The following AKAP13 variants were observed in gnomAD, a reference collection of about 807,000 sequenced individuals.
AKAP13 encodes the protein A-kinase anchor protein 13.
Under a neutral mutation model 264.5 loss-of-function variants are expected in AKAP13, and 80 were observed. The observed-to-expected ratio is 0.30, with a 90% CI of 0.25 to 0.36. The LOEUF (loss-of-function observed/expected upper bound fraction) is 0.36. AKAP13 is among the 10% of genes least tolerant of loss of function. The probability of loss-of-function intolerance (pLI) is 1.00; values close to 1 mark genes in which losing one functional copy is unlikely to be tolerated. For missense variants in AKAP13, 3,712 were observed against 3,435.2 expected (o/e 1.08, Z -2.01); for synonymous variants, 1,380 against 1,250.2 (o/e 1.10, Z -2.19).
intron 1 of AKAP13, among the ~76,000 whole-genome samples, chr15:85,382,348 A>G (rs2070326110): frequency 6.6e-6 from 1 of 152,214 alleles, no homozygotes; most frequent in Non-Finnish European, 1.5e-5. Flanking sequence ...CTTGTGTTAT[A>G]AAACCAATTT....
chr15:85,561,620 C>T lies in AKAP13; in HGVS notation c.663-13511C>T, dbSNP rs376844657. The stretch of plus-strand genomic sequence containing the variant: ...TTGTGAATGTTGGTATATTAGATAT[C>T]GATGCATCTATAACTAATACAGTGG... On this transcript the variant is annotated intron_variant, in intron 5 of 36. Transcript: ENST00000394518. Among the ~76,000 whole-genome samples, 15 of 152,200 alleles carry T rather than the reference C, an allele frequency of 9.9e-5. No homozygotes were observed. The South Asian group carries it at 1.7e-3, about 17-fold the overall frequency.
At chr15:85,628,596 C>G (rs16942440) in intron 8 of AKAP13, among the ~76,000 whole-genome samples, 2,127 of 152,210 alleles carry the variant, frequency 0.014, 110 homozygotes, top group Admixed American at 0.093. Context: ...CTCAGGACAT[C>G]ATTGTTAATT....
chr15:85,656,520 C>A (rs1043052109), intron 11 of AKAP13, among the ~76,000 whole-genome samples: 1 of 152,126 alleles, frequency 6.6e-6, no homozygotes. Flanking sequence ...AATCTCGGCT[C>A]CCTGCAAGCT....
chr15:85,677,209 T>A (rs2084273248), intron 14 of AKAP13: 2 of 851,092 alleles, frequency 2.3e-6, no homozygotes, highest in Non-Finnish European at 2.8e-6. Context: ...GCCTCTTGCA[T>A]GCCATCCTTT....
At chr15:85,383,704 G>GGCTT (rs1005654785) in intron 1 of AKAP13, among the ~76,000 whole-genome samples, 3 of 152,302 alleles carry the variant, frequency 2.0e-5, no homozygotes, top group Admixed American at 6.5e-5. Context: ...CTTGCAGAGT[G>GGCTT]GCTTGGTAGG....
At chr15:85,715,741 G>C in intron 19 of AKAP13, 47 bp from the exon 20 acceptor site, 1 of 1,568,654 alleles carries the variant, frequency 6.4e-7, no homozygotes, top group East Asian at 2.3e-5. Context: ...GTCAGTACCA[G>C]GTGGAGCTGG....
intron 1 of AKAP13, among the ~76,000 whole-genome samples, chr15:85,385,977 C>T (rs2070537844): frequency 1.3e-5 from 2 of 152,096 alleles, no homozygotes; most frequent in Non-Finnish European, 2.9e-5. Flanking sequence ...AGGCACACAC[C>T]ACCACACCCA....
chr15:85,733,628 G>A (rs1403965027), intron 30 of AKAP13, among the ~76,000 whole-genome samples: 1 of 151,776 alleles, frequency 6.6e-6, no homozygotes, highest in Non-Finnish European at 1.5e-5. Flanking sequence ...CTTCAGTGTT[G>A]GTCACTTTCT....
chr15:85,560,265 G>A lies in AKAP13; in HGVS notation c.663-14866G>A, dbSNP rs74712788. Among the ~76,000 whole-genome samples, 11 of 151,546 alleles carry A rather than the reference G, an allele frequency of 7.3e-5. No individual in the cohort carries two copies. In the East Asian group the frequency reaches 2.1e-3, roughly 29 times the overall value. Reference sequence around the variant, plus strand: ...ACTGCAGCCTTGACCACTCGCCTCAGCCTCCCATGTAGCTAGGACTACAGG... The same window carrying A: ...ACTGCAGCCTTGACCACTCGCCTCAACCTCCCATGTAGCTAGGACTACAGG... On this transcript the variant is annotated intron_variant, in intron 5 of 36. Transcript: ENST00000394518.
chr15:85,601,650 T>TGTGTGTGTGTGTGTG (rs1567149369), intron 8 of AKAP13, among the ~76,000 whole-genome samples: 14 of 35,610 alleles, frequency 3.9e-4, no homozygotes, highest in Non-Finnish European at 7.8e-4. Context: ...GTGTGTGTGT[T>TGTGTGTGTGTGTGTG]TTTCTTCCAG....
chr15:85,610,177 A>C (rs2080540407), intron 8 of AKAP13, among the ~76,000 whole-genome samples: 1 of 152,240 alleles, frequency 6.6e-6, no homozygotes, highest in Non-Finnish European at 1.5e-5. Flanking sequence ...CCATTACAGA[A>C]TTATGGTCAG....
At chr15:85,672,529 A>G (rs919024932) in intron 14 of AKAP13, among the ~76,000 whole-genome samples, 1 of 152,222 alleles carries the variant, frequency 6.6e-6, no homozygotes, top group Non-Finnish European at 1.5e-5. Context: ...AGTCACTTAA[A>G]TACTCAGCAT....
intron 15 of AKAP13, 168 bp from the exon 16 acceptor site, chr15:85,684,573 A>T: frequency 1.6e-6 from 1 of 630,162 alleles, no homozygotes; most frequent in Non-Finnish European, 2.7e-6. Flanking sequence ...AGAAAACATT[A>T]GTGACGGATC....
intron 5 of AKAP13, among the ~76,000 whole-genome samples, chr15:85,573,954 T>G (rs2078917042): frequency 6.6e-6 from 1 of 152,194 alleles, no homozygotes; most frequent in African/African-American, 2.4e-5. Context: ...TTTCTCTAAT[T>G]CTCAAAACAG....
In AKAP13 at chr15:85,543,763, C is replaced by T. The variant is rs1304351799; in HGVS notation, c.479-9C>T. 2 of 1,591,778 alleles carry T rather than the reference C, an allele frequency of 1.3e-6. No homozygotes were observed. Among genetic ancestry groups the T allele is most frequent in the Non-Finnish European group, 1.7e-6 (2 of 1,168,268 alleles). ...CCTCACTTACGTTCATTTTCTCCCCCATTTACAGATGCTGGCCCGCGAGAG... is the reference window on the plus strand; with the variant it reads ...CCTCACTTACGTTCATTTTCTCCCCTATTTACAGATGCTGGCCCGCGAGAG... On this transcript the variant is annotated splice_polypyrimidine_tract_variant and intron_variant, in intron 4 of 36. Coordinates refer to ENST00000394518, the MANE Select transcript of AKAP13 (RefSeq NM_007200.5).
chr15:85,659,068 C>T (rs2083224141), intron 12 of AKAP13, among the ~76,000 whole-genome samples: 1 of 152,292 alleles, frequency 6.6e-6, no homozygotes, highest in South Asian at 2.1e-4. Flanking sequence ...GGCCACCTGG[C>T]ATTTTCCATT....
intron 2 of AKAP13, among the ~76,000 whole-genome samples, chr15:85,499,208 A>G (rs1229503671): frequency 6.6e-6 from 1 of 152,222 alleles, no homozygotes; most frequent in Non-Finnish European, 1.5e-5. Context: ...GGTGTGTACT[A>G]TCAAATACAG....
chr15:85,550,136 C>T (rs758815757), intron 5 of AKAP13, among the ~76,000 whole-genome samples: 4 of 152,202 alleles, frequency 2.6e-5, no homozygotes, highest in East Asian at 3.9e-4. Flanking sequence ...AGGCTGGTCT[C>T]GATTTCGTGA....
At chr15:85,729,360 C>G (rs182354316) in intron 29 of AKAP13, among the ~76,000 whole-genome samples, 1 of 152,134 alleles carries the variant, frequency 6.6e-6, no homozygotes, top group African/African-American at 2.4e-5. Flanking sequence ...AGTAAGGAGA[C>G]AGAGTCTCTC....
Sources: allele counts gnomAD v4.1 joint callset (sites outside exome capture counted in the v4.1 genomes callset), GRCh38; gene constraint gnomAD v4.1.1; transcripts MANE v1.5; gene names NCBI Gene and HGNC (gene_info 2026-07-23, HGNC 2026-07-21).